The following BMPR1A variants were observed in gnomAD, a reference collection of about 807,000 sequenced individuals.
The protein encoded by BMPR1A is bone morphogenetic protein receptor type-1A.
In BMPR1A, 7 loss-of-function variants were observed where a neutral mutation model predicts 66.0. The ratio of observed to expected loss-of-function variants is 0.11; its 90% CI spans 0.06 to 0.20. The LOEUF is 0.20. Among genes scored for constraint, BMPR1A ranks in the 10% least tolerant of loss-of-function variants. BMPR1A has a pLI of 1.00. For missense variants in BMPR1A, 408 were observed against 669.1 expected (o/e 0.61, Z 4.31); for synonymous variants, 200 against 229.7 (o/e 0.87, Z 1.17).
chr10:86,904,673 G>A (rs1037819562), intron 7 of BMPR1A, among the ~76,000 whole-genome samples: 3 of 152,086 alleles, frequency 2.0e-5, no homozygotes, highest in African/African-American at 7.2e-5. Context: ...TCCGGAAATG[G>A]GGATCTAAGT....
rs553298471 is a variant in BMPR1A, at chr10:86,844,162, G to A, written c.-153+5183G>A. Among the ~76,000 whole-genome samples the A allele has an allele frequency of 3.9e-5, 6 of 152,170 alleles. No individual in the cohort carries two copies. In the South Asian group the frequency reaches 1.2e-3, roughly 32 times the overall value. Reference sequence around the variant, plus strand: ...CTCTTAATTTGTTTATGTGCAACAAGTTTTTTTGGCATTATTTTTCCAGCC... The same window carrying A: ...CTCTTAATTTGTTTATGTGCAACAAATTTTTTTGGCATTATTTTTCCAGCC... On this transcript the variant is annotated intron_variant, in intron 2 of 12. Coordinates refer to ENST00000372037, the MANE Select transcript of BMPR1A (RefSeq NM_004329.3).
chr10:86,808,821 C>T (rs1366486637), intron 1 of BMPR1A, among the ~76,000 whole-genome samples: 1 of 152,090 alleles, frequency 6.6e-6, no homozygotes, highest in Non-Finnish European at 1.5e-5. Flanking sequence ...TTTCAGTTTC[C>T]AGAATTTCCA....
chr10:86,853,015 T>C (rs1322698776), intron 2 of BMPR1A, among the ~76,000 whole-genome samples: 1 of 152,096 alleles, frequency 6.6e-6, no homozygotes, highest in Admixed American at 6.6e-5. Context: ...ATTTGAAAGA[T>C]TGATCAAGAA....
At chr10:86,875,625 A>G (rs1318623874) in intron 2 of BMPR1A, among the ~76,000 whole-genome samples, 1 of 151,708 alleles carries the variant, frequency 6.6e-6, no homozygotes, top group East Asian at 1.9e-4. Flanking sequence ...AGATTGTTTA[A>G]TATACTTCCC....
intron 1 of BMPR1A, among the ~76,000 whole-genome samples, chr10:86,775,896 T>C (rs1280822237): frequency 1.3e-5 from 2 of 152,196 alleles, no homozygotes; most frequent in African/African-American, 4.8e-5. Context: ...CTTGCCTTTT[T>C]CACCTAACAT....
In BMPR1A at chr10:86,890,043, A is replaced by T. The variant is rs1843124455; in HGVS notation, c.68-19A>T. 1 of 1,611,946 alleles carries T rather than the reference A, an allele frequency of 6.2e-7. No homozygotes were observed. The highest frequency in any genetic ancestry group is 8.5e-7 in the Non-Finnish European group (1 of 1,179,696). ...CTTTTCAGAAATGATTTACTTACAA[A>T]TTCCATATTTGAATGCAGGACAGAA... On this transcript the variant is annotated intron_variant, in intron 3 of 12. Coordinates refer to ENST00000372037, the MANE Select transcript of BMPR1A (RefSeq NM_004329.3).
chr10:86,870,878 CT>C (rs899211638), intron 2 of BMPR1A, among the ~76,000 whole-genome samples: 2 of 152,020 alleles, frequency 1.3e-5, no homozygotes, highest in Non-Finnish European at 2.9e-5. Flanking sequence ...GCTTACTCAT[CT>C]GTTTGCTTTT....
At chr10:86,866,724 A>G (rs920586496) in intron 2 of BMPR1A, among the ~76,000 whole-genome samples, 1 of 152,018 alleles carries the variant, frequency 6.6e-6, no homozygotes, top group Non-Finnish European at 1.5e-5. Flanking sequence ...AAGATGAAAA[A>G]AGATCTTACA....
chr10:86,832,801 A>T (rs759063114), intron 1 of BMPR1A, among the ~76,000 whole-genome samples: 3 of 152,148 alleles, frequency 2.0e-5, no homozygotes, highest in Non-Finnish European at 2.9e-5. Context: ...ATGACAATTT[A>T]TGTGCTCAGC....
At chr10:86,775,646 A>T (rs1473682361) in intron 1 of BMPR1A, among the ~76,000 whole-genome samples, 4 of 152,162 alleles carry the variant, frequency 2.6e-5, no homozygotes, top group African/African-American at 9.7e-5. Flanking sequence ...CAGAAAAGGC[A>T]TTCCTCTAAA....
intron 1 of BMPR1A, among the ~76,000 whole-genome samples, chr10:86,772,175 G>A (rs1413686607): frequency 1.5e-5 from 2 of 137,062 alleles, no homozygotes; most frequent in African/African-American, 5.8e-5. Context: ...CTGTCGCCCA[G>A]GCTGGAGTAC....
chr10:86,859,024 A>G (rs1842680143), intron 2 of BMPR1A, among the ~76,000 whole-genome samples: 1 of 152,208 alleles, frequency 6.6e-6, no homozygotes, highest in Non-Finnish European at 1.5e-5. Context: ...TTCAAGATAT[A>G]CTGCAAAGCT....
At chr10:86,765,598 G>C (rs1166034651) in intron 1 of BMPR1A, among the ~76,000 whole-genome samples, 1 of 151,850 alleles carries the variant, frequency 6.6e-6, no homozygotes, top group Non-Finnish European at 1.5e-5. Context: ...TAATCTTTTG[G>C]TATATTAGAT....
rs148331454 is a variant in BMPR1A, at chr10:86,899,997, A to G, written c.431-30A>G. On this transcript the variant is annotated intron_variant, in intron 6 of 12. Transcript: ENST00000372037. ...CACGTCAGATTATTTTTTCATTTCA[A>G]TTGTTTACATTGTTTACTTTTATTG... The G allele has an allele frequency of 1.4e-4, 228 of 1,612,880 alleles. 2 individuals carry two copies. Among genetic ancestry groups the G allele is most frequent in the South Asian group, 1.3e-3 (114 of 91,052 alleles).
At chr10:86,798,171 CTAT>C (rs1841751844) in intron 1 of BMPR1A, among the ~76,000 whole-genome samples, 1 of 132,866 alleles carries the variant, frequency 7.5e-6, no homozygotes, top group Non-Finnish European at 1.7e-5. Context: ...TTTTTTAGTC[CTAT>C]TTTTTTTTAC....
At chr10:86,838,084 T>C (rs1000780121) in intron 1 of BMPR1A, among the ~76,000 whole-genome samples, 5 of 152,278 alleles carry the variant, frequency 3.3e-5, no homozygotes, top group East Asian at 1.9e-4. Flanking sequence ...CGTTAAAAGA[T>C]TGAATGATTT....
At chr10:86,850,792 C>T (rs1295809434) in intron 2 of BMPR1A, among the ~76,000 whole-genome samples, 1 of 152,146 alleles carries the variant, frequency 6.6e-6, no homozygotes, top group Non-Finnish European at 1.5e-5. Flanking sequence ...TGAGCCACCA[C>T]ACCTGGCCTA....
chr10:86,881,995 GT>G (rs140844116), intron 3 of BMPR1A, among the ~76,000 whole-genome samples: 1,948 of 147,694 alleles, frequency 0.013, 37 homozygotes, highest in African/African-American at 0.044. Flanking sequence ...TGATAACTGT[GT>G]TTTTTTTTTA....
At chr10:86,805,461 C>CT (rs1332479141) in intron 1 of BMPR1A, among the ~76,000 whole-genome samples, 2,793 of 109,014 alleles carry the variant, frequency 0.026, 223 homozygotes, top group African/African-American at 0.076. Flanking sequence ...TTTCAGTTTC[C>CT]TTTTTTTTTT....
Sources: gnomAD v4.1 joint callset for allele counts (sites outside exome capture counted in the v4.1 genomes callset) on GRCh38, gnomAD v4.1.1 for gene constraint, MANE v1.5 for transcripts, NCBI Gene and HGNC (gene_info 2026-07-23, HGNC 2026-07-21) for gene names.